Variants in ACKR3 observed in about 807,000 individuals in gnomAD.
ACKR3 encodes the protein C-X-C chemokine receptor type 7.
ACKR3 carries 6 observed loss-of-function variants against 22.4 expected under a neutral mutation model. The observed-to-expected ratio is 0.27, with a 90% CI of 0.15 to 0.53. ACKR3 has a LOEUF of 0.53. Among genes scored for constraint, ACKR3 ranks in the 20% least tolerant of loss-of-function variants. The pLI is 0.96. For synonymous variants in ACKR3, 209 were observed against 205.2 expected, an observed-to-expected ratio of 1.02 and a Z score of -0.16; for missense variants, 396 against 475.2, an observed-to-expected ratio of 0.83 and a Z score of 1.55.
intron 1 of ACKR3, among the ~76,000 whole-genome samples, chr2:236,571,459 A>G (rs1397118754): frequency 2.0e-5 from 3 of 152,180 alleles, no homozygotes; most frequent in Admixed American, 2.0e-4. Flanking sequence ...TAGTTTTAAA[A>G]AAGTTCCATA....
chr2:236,575,754 G>A (rs1691401927), intron 1 of ACKR3, among the ~76,000 whole-genome samples: 1 of 152,148 alleles, frequency 6.6e-6, no homozygotes. Flanking sequence ...TGCATGAAGG[G>A]AGGCCTCCCT....
rs957573738 is a variant in ACKR3 at position 236,581,579 on chromosome 2, G to A, written c.*25G>A. 5.6e-6 allele frequency: 9 copies of A among 1,595,072 alleles called. No individual in the cohort carries two copies. Among genetic ancestry groups the A allele is most frequent in the East Asian group, 2.2e-5 (1 of 44,544 alleles). On this transcript the variant is annotated 3_prime_UTR_variant, in exon 2 of 2. Transcript: ENST00000272928. This position sits in a 1 kb window ranked among gnomAD's most constrained non-coding sequence, Gnocchi z 4.4. ...ATCTGCCCTGGAGAGGCTCTGGGAC[G>A]GGTTTACTTGTTTTTGAACAGGGTG...
At chr2:236,546,574 C>T in the ACKR3 span, among the ~76,000 whole-genome samples, 17 of 152,190 alleles carry the variant, frequency 1.1e-4, no homozygotes, top group Non-Finnish European at 1.9e-4. This position sits in a 1 kb window ranked among gnomAD's most constrained non-coding sequence, Gnocchi z 4.9. Context: ...GTGGAGAGGG[C>T]GCTCAGGCCT....
chr2:236,552,999 T>G, the ACKR3 span, among the ~76,000 whole-genome samples: 1 of 152,246 alleles, frequency 6.6e-6, no homozygotes, highest in African/African-American at 2.4e-5. Context: ...CATTGGCCCA[T>G]GCTTGGTGGT....
At chr2:236,560,629 G>T in the ACKR3 span, among the ~76,000 whole-genome samples, 1 of 152,030 alleles carries the variant, frequency 6.6e-6, no homozygotes, top group Non-Finnish European at 1.5e-5. Flanking sequence ...CATTCCATAG[G>T]TTGCCTTTTT....
upstream of ACKR3, among the ~76,000 whole-genome samples, chr2:236,563,456 AAG>A: frequency 6.7e-6 from 1 of 148,812 alleles, no homozygotes; most frequent in Non-Finnish European, 1.5e-5. Flanking sequence ...ATAGGATAAG[AAG>A]AGAGTAACTA....
At chr2:236,560,324 T>C in the ACKR3 span, among the ~76,000 whole-genome samples, 1 of 144,916 alleles carries the variant, frequency 6.9e-6, no homozygotes. Context: ...GCCTTTTTTT[T>C]TTTTTTTTTT....
Position 236,580,374 on chromosome 2 carries a change from C to G in ACKR3, c.-26-66C>G. 4 of 1,522,400 alleles carry G rather than the reference C, an allele frequency of 2.6e-6. No homozygotes were observed. The South Asian group carries it at 5.3e-5, about 20-fold the overall frequency. 94.3% of individuals were successfully genotyped at this position (1,522,400 alleles called of 1,614,324 possible). On this transcript the variant is annotated intron_variant, in intron 1 of 1. Coordinates refer to ENST00000272928, the MANE Select transcript of ACKR3 (RefSeq NM_020311.3). ...CTTGGAAAAGCATTTTTGCCTGAAA[C>G]TTGAGTTTTTCCTAATGAAGTGACT...
chr2:236,581,486 A>G lies in ACKR3; in HGVS notation c.1021A>G (p.Thr341Ala), dbSNP rs886618644. The stretch of plus-strand genomic sequence containing the variant: ...CAAGTACTCGGCCAAAACAGGGCTC[A>G]CCAAGCTCATCGATGCCTCCAGAGT... ...IFKYSAKTGL[T>A]KLIDASRVSE... Residue 341 changes from threonine to alanine, a missense_variant, in exon 2 of 2, where the codon ACC becomes GCC. By Grantham distance (58) the Thr-to-Ala change is moderately conservative (BLOSUM62 0). Coordinates refer to ENST00000272928, the MANE Select transcript of ACKR3 (RefSeq NM_020311.3). This position sits in a 1 kb window ranked among gnomAD's most constrained non-coding sequence, Gnocchi z 4.4. The G allele has an allele frequency of 1.2e-6, 2 of 1,614,066 alleles. No homozygotes were observed. The highest frequency in any genetic ancestry group is 2.7e-5 in the African/African-American group (2 of 74,918).
upstream of ACKR3, among the ~76,000 whole-genome samples, chr2:236,566,186 A>G (rs1273610128): frequency 6.6e-6 from 1 of 152,218 alleles, no homozygotes; most frequent in Non-Finnish European, 1.5e-5. Flanking sequence ...CCCAGAGCAG[A>G]CAGAGCTGAC....
At chr2:236,578,080 G>C (rs889651099) in intron 1 of ACKR3, among the ~76,000 whole-genome samples, 1 of 152,252 alleles carries the variant, frequency 6.6e-6, no homozygotes, top group South Asian at 2.1e-4. Context: ...GCCATGTGGG[G>C]AGAGCAAAGG....
chr2:236,558,684 G>C, the ACKR3 span, among the ~76,000 whole-genome samples: 2 of 152,154 alleles, frequency 1.3e-5, no homozygotes, highest in Admixed American at 1.3e-4. Flanking sequence ...AAATGGTTCA[G>C]GGAATAAAGA....
the ACKR3 span, among the ~76,000 whole-genome samples, chr2:236,561,550 C>T: frequency 1.6e-4 from 24 of 152,014 alleles, no homozygotes; most frequent in Non-Finnish European, 2.4e-4. Context: ...TTCTGTTGCC[C>T]GGGCTGGAGT....
At chr2:236,567,992 G>C (rs1343388506), upstream of ACKR3, among the ~76,000 whole-genome samples, 1 of 152,050 alleles carries the variant, frequency 6.6e-6, no homozygotes, top group African/African-American at 2.4e-5. Context: ...GCCGGGGCTG[G>C]CGGGGCAGGG....
At chr2:236,556,809 C>T in the ACKR3 span, among the ~76,000 whole-genome samples, 10 of 152,232 alleles carry the variant, frequency 6.6e-5, no homozygotes, top group Admixed American at 5.2e-4. Flanking sequence ...CTGCCTCAGC[C>T]TCCCAAGTAG....
At chr2:236,569,264 A>G (rs4663657), upstream of ACKR3, among the ~76,000 whole-genome samples, 1,773 of 152,372 alleles carry the variant, frequency 0.012, 62 homozygotes, top group Admixed American at 0.078. Context: ...ATAATCTATT[A>G]TAAAGACTCT....
chr2:236,550,126 G>T, the ACKR3 span, among the ~76,000 whole-genome samples: 2 of 152,216 alleles, frequency 1.3e-5, no homozygotes, highest in Non-Finnish European at 2.9e-5. This position sits in a 1 kb window ranked among gnomAD's most constrained non-coding sequence, Gnocchi z 4.6. Context: ...GATTCCTGTG[G>T]GTGCATAGTC....
chr2:236,568,613 GCCTC>G (rs544215510), upstream of ACKR3, among the ~76,000 whole-genome samples: 25 of 152,318 alleles, frequency 1.6e-4, 1 homozygote, highest in East Asian at 4.6e-3. Flanking sequence ...TGTGCACCTC[GCCTC>G]CCGCTGGGCA....
chr2:236,540,763 T>C, the ACKR3 span, among the ~76,000 whole-genome samples: 3 of 152,230 alleles, frequency 2.0e-5, no homozygotes, highest in Admixed American at 2.0e-4. Context: ...CCTTTCCTCA[T>C]TGATCGCATT....
Sources: gnomAD v4.1 joint callset for allele counts (sites outside exome capture counted in the v4.1 genomes callset) on GRCh38, gnomAD v4.1.1 for gene constraint, Gnocchi (gnomAD v3.1) non-coding constraint, MANE v1.5 for transcripts, NCBI Gene and HGNC (gene_info 2026-07-23, HGNC 2026-07-21) for gene names.